Variants in AGMO observed in about 807,000 individuals in gnomAD.
AGMO encodes the protein glyceryl-ether monooxygenase.
Under a neutral mutation model 60.2 loss-of-function variants are expected in AGMO, and 75 were observed. The observed-to-expected ratio is 1.25, with a 90% CI of 1.03 to 1.51. The LOEUF is 1.51. AGMO is among the 40% of genes most tolerant of loss of function. The probability of loss-of-function intolerance (pLI) is 0.00; values close to 1 mark genes in which losing one functional copy is unlikely to be tolerated. For synonymous variants in AGMO, 261 were observed against 177.1 expected (o/e 1.47, Z -3.76); for missense variants, 763 against 525.5 (o/e 1.45, Z -4.42).
chr7:15,172,871 C>G, the AGMO span, among the ~76,000 whole-genome samples: 11 of 152,248 alleles, frequency 7.2e-5, no homozygotes, highest in Non-Finnish European at 1.3e-4. Context: ...TTCATTCATA[C>G]ACAAACACTA....
chr7:15,556,497 T>C (rs187441079), intron 2 of AGMO, among the ~76,000 whole-genome samples: 5 of 152,090 alleles, frequency 3.3e-5, no homozygotes, highest in East Asian at 3.9e-4. Flanking sequence ...AAAACAAACA[T>C]ACTGTAGATA....
At chr7:15,149,938 T>C in the AGMO span, among the ~76,000 whole-genome samples, 1 of 152,186 alleles carries the variant, frequency 6.6e-6, no homozygotes, top group Non-Finnish European at 1.5e-5. Flanking sequence ...TGATTATTCC[T>C]ATCTTAGAGC....
intron 10 of AGMO, among the ~76,000 whole-genome samples, chr7:15,370,037 T>TA (rs1473280711): frequency 1.3e-5 from 2 of 152,122 alleles, no homozygotes; most frequent in Non-Finnish European, 2.9e-5. Context: ...ACCCAACAAT[T>TA]AGTTTTCCAA....
intron 12 of AGMO, among the ~76,000 whole-genome samples, chr7:15,291,180 A>T (rs917988338): frequency 6.6e-6 from 1 of 152,024 alleles, no homozygotes; most frequent in East Asian, 1.9e-4. Context: ...TAAACTTTTA[A>T]TTTATCTTTT....
chr7:15,354,422 A>AGCTC (rs1782409247), intron 12 of AGMO, among the ~76,000 whole-genome samples: 1 of 5,966 alleles, frequency 1.7e-4, no homozygotes, highest in African/African-American at 7.8e-4. Context: ...GTGTGTGTAT[A>AGCTC]CACACACGTG....
chr7:15,125,843 A>G, the AGMO span, among the ~76,000 whole-genome samples: 16 of 152,150 alleles, frequency 1.1e-4, no homozygotes, highest in Non-Finnish European at 2.2e-4. Context: ...TAGACAAATT[A>G]TTTAGTCTCT....
chr7:15,537,669 G>T (rs1784515572), intron 3 of AGMO, among the ~76,000 whole-genome samples: 1 of 151,894 alleles, frequency 6.6e-6, no homozygotes, highest in Non-Finnish European at 1.5e-5. Flanking sequence ...TTTTGTTTAT[G>T]ACTTCCCTGT....
At chr7:15,515,431 G>T (rs1783782339) in intron 3 of AGMO, among the ~76,000 whole-genome samples, 1 of 152,158 alleles carries the variant, frequency 6.6e-6, no homozygotes, top group Non-Finnish European at 1.5e-5. Context: ...TTGGAGCTCA[G>T]CCAAAGAAGT....
chr7:15,405,608 T>C (rs1431474078), intron 5 of AGMO, among the ~76,000 whole-genome samples: 2 of 151,960 alleles, frequency 1.3e-5, no homozygotes, highest in Non-Finnish European at 2.9e-5. Context: ...TCATTTGGCT[T>C]TTTCAAAATA....
At chr7:15,391,900 A>ACT (rs1391648398) in intron 6 of AGMO, among the ~76,000 whole-genome samples, 1 of 152,128 alleles carries the variant, frequency 6.6e-6, no homozygotes, top group Non-Finnish European at 1.5e-5. Context: ...AGTGCACCGA[A>ACT]CATCCTCCAC....
intron 3 of AGMO, among the ~76,000 whole-genome samples, chr7:15,499,944 T>A (rs937789780): frequency 8.8e-5 from 12 of 136,558 alleles, no homozygotes; most frequent in Admixed American, 5.3e-4. Flanking sequence ...TATATATATA[T>A]AATATATATA....
chr7:15,131,655 T>G, the AGMO span, among the ~76,000 whole-genome samples: 1 of 151,924 alleles, frequency 6.6e-6, no homozygotes, highest in Non-Finnish European at 1.5e-5. Flanking sequence ...TGGAGGCTAG[T>G]TCATTAAAGG....
chr7:15,370,140 T>A (rs1783145855), intron 10 of AGMO, among the ~76,000 whole-genome samples: 1 of 152,170 alleles, frequency 6.6e-6, no homozygotes, highest in South Asian at 2.1e-4. Context: ...CATTTATAAG[T>A]AAGAACTTGC....
At chr7:15,305,886 T>C (rs1780600157) in intron 12 of AGMO, among the ~76,000 whole-genome samples, 1 of 152,094 alleles carries the variant, frequency 6.6e-6, no homozygotes, top group Non-Finnish European at 1.5e-5. Flanking sequence ...TGAACGAACC[T>C]AAAAGAACAA....
At chr7:15,384,403 T>G (rs7792226) in intron 10 of AGMO, among the ~76,000 whole-genome samples, 40 of 152,152 alleles carry the variant, frequency 2.6e-4, no homozygotes, top group African/African-American at 9.6e-4. Flanking sequence ...TGGATTCATA[T>G]ATTGTCAACA....
chr7:15,448,196 G>A (rs953699234), intron 3 of AGMO, among the ~76,000 whole-genome samples: 1 of 152,186 alleles, frequency 6.6e-6, no homozygotes, highest in South Asian at 2.1e-4. Flanking sequence ...ATCCTTACCC[G>A]AGAGGTGATC....
Position 15,511,263 on chromosome 7 carries a change from T to C in AGMO, c.409+33509A>G, listed in dbSNP as rs569608821. Among the ~76,000 whole-genome samples the C allele has an allele frequency of 4.6e-5, 7 of 152,166 alleles. No homozygotes were observed. In the East Asian group the frequency reaches 1.4e-3, roughly 29 times the overall value. On this transcript the variant is annotated intron_variant, in intron 3 of 12. Transcript: ENST00000342526. ...GACCATGTAGACATGCCAGTGAACC[T>C]AATGAGCACATCTTTTATACGTAGT...
chr7:15,544,325 A>G (rs979246834), intron 3 of AGMO, among the ~76,000 whole-genome samples: 1 of 152,126 alleles, frequency 6.6e-6, no homozygotes, highest in East Asian at 1.9e-4. Flanking sequence ...TGAAGAACTT[A>G]TTCATGTAAC....
downstream of AGMO, among the ~76,000 whole-genome samples, chr7:15,195,839 A>T (rs1291167245): frequency 6.6e-6 from 1 of 152,158 alleles, no homozygotes. Context: ...TATCATTACC[A>T]TTATTAATAA....
Sources: gnomAD v4.1 joint callset for allele counts (sites outside exome capture counted in the v4.1 genomes callset) on GRCh38, gnomAD v4.1.1 for gene constraint, MANE v1.5 for transcripts, NCBI Gene and HGNC (gene_info 2026-07-23, HGNC 2026-07-21) for gene names.